Variants in CDKAL1 observed in about 807,000 individuals in gnomAD.
The protein encoded by CDKAL1 is threonylcarbamoyladenosine tRNA methylthiotransferase.
A neutral mutation model predicts 68.2 loss-of-function variants in CDKAL1; 32 were observed. The observed-to-expected ratio is 0.47, with a 90% CI of 0.35 to 0.63. CDKAL1 has a LOEUF of 0.63. Ranked by LOEUF, CDKAL1 falls within the 30% of genes least tolerant of loss-of-function variation. CDKAL1 has a pLI of 0.00. For missense variants in CDKAL1, 606 were observed against 696.7 expected (o/e 0.87, Z 1.47); for synonymous variants, 234 against 244.3 (o/e 0.96, Z 0.39).
chr6:20,633,003 T>C (rs954748279), intron 4 of CDKAL1, among the ~76,000 whole-genome samples: 1 of 152,166 alleles, frequency 6.6e-6, no homozygotes, highest in African/African-American at 2.4e-5. Flanking sequence ...ATGAGAACAG[T>C]GGTGATGGTG....
At chr6:21,143,134 T>C (rs1776005308) in intron 13 of CDKAL1, among the ~76,000 whole-genome samples, 1 of 152,238 alleles carries the variant, frequency 6.6e-6, no homozygotes, top group African/African-American at 2.4e-5. Context: ...CCCTAATCCT[T>C]CTCTCTGAAT....
At chr6:20,715,740 A>G (rs1405361362) in intron 5 of CDKAL1, among the ~76,000 whole-genome samples, 4 of 152,214 alleles carry the variant, frequency 2.6e-5, no homozygotes, top group African/African-American at 7.2e-5. Context: ...TCTTTTTGAT[A>G]ACAGCTATGT....
chr6:20,701,436 C>T (rs1771355321), intron 5 of CDKAL1, among the ~76,000 whole-genome samples: 2 of 152,170 alleles, frequency 1.3e-5, no homozygotes, highest in African/African-American at 4.8e-5. Context: ...TGATTTGCTC[C>T]AGTCCTTATC....
intron 13 of CDKAL1, among the ~76,000 whole-genome samples, chr6:21,159,297 A>G (rs948860567): frequency 2.6e-5 from 4 of 152,134 alleles, no homozygotes; most frequent in Admixed American, 2.0e-4. Flanking sequence ...AAGCTAGGAA[A>G]TATTCCTGTG....
intron 9 of CDKAL1, among the ~76,000 whole-genome samples, chr6:20,849,989 A>G (rs1758922620): frequency 6.6e-6 from 1 of 152,198 alleles, no homozygotes; most frequent in Non-Finnish European, 1.5e-5. Flanking sequence ...ATTGCAAATA[A>G]TAATTATGAA....
intron 10 of CDKAL1, among the ~76,000 whole-genome samples, chr6:20,964,766 TA>T (rs1765221756): frequency 6.6e-6 from 1 of 152,146 alleles, no homozygotes. Context: ...GTCTCAGGGC[TA>T]CCCATGTACC....
At chr6:20,944,312 A>G (rs943041904) in intron 9 of CDKAL1, among the ~76,000 whole-genome samples, 2 of 152,180 alleles carry the variant, frequency 1.3e-5, no homozygotes, top group African/African-American at 4.8e-5. Context: ...GGTAATTTCT[A>G]TAACAGTTAA....
intron 5 of CDKAL1, among the ~76,000 whole-genome samples, chr6:20,663,662 T>C (rs1346711670): frequency 6.6e-6 from 1 of 152,160 alleles, no homozygotes; most frequent in Non-Finnish European, 1.5e-5. Flanking sequence ...ATGACCATAT[T>C]TGAAATGGAA....
intron 10 of CDKAL1, among the ~76,000 whole-genome samples, chr6:20,976,926 G>T (rs904368807): frequency 1.3e-5 from 2 of 152,154 alleles, no homozygotes; most frequent in Admixed American, 6.5e-5. Context: ...TTAATTTCCA[G>T]ATTTCAACTA....
intron 8 of CDKAL1, among the ~76,000 whole-genome samples, chr6:20,815,424 T>G (rs1341792542): frequency 6.6e-6 from 1 of 152,150 alleles, no homozygotes; most frequent in Non-Finnish European, 1.5e-5. Context: ...TTTGGTAAAT[T>G]GTATTTTTCT....
At position 20,747,035 on chromosome 6, in the gene CDKAL1, T is replaced by G. The variant is rs372757308; in HGVS notation, c.468+7420T>G. ...CCGGTAATCCCCAGGCTACTCCCTG[T>G]TTCTCTGTATTTGACTTGTTTTAAG... On this transcript the variant is annotated intron_variant, in intron 6 of 15. Coordinates refer to ENST00000274695, the MANE Select transcript of CDKAL1 (RefSeq NM_017774.3). 6.6e-5 allele frequency among the ~76,000 whole-genome samples: 10 copies of G among 152,134 alleles called. No individual in the cohort carries two copies. The East Asian group carries it at 1.5e-3, about 23-fold the overall frequency.
chr6:21,160,656 C>CACACAT (rs1554189726), intron 13 of CDKAL1, among the ~76,000 whole-genome samples: 1 of 127,988 alleles, frequency 7.8e-6, no homozygotes, highest in Admixed American at 7.8e-5. Flanking sequence ...CACACACACA[C>CACACAT]GTGTGTGTGT....
intron 10 of CDKAL1, among the ~76,000 whole-genome samples, chr6:20,999,183 A>T (rs1268226104): frequency 6.6e-6 from 1 of 152,124 alleles, no homozygotes; most frequent in African/African-American, 2.4e-5. Context: ...TTTATTCACT[A>T]CTGGACTCTG....
intron 13 of CDKAL1, among the ~76,000 whole-genome samples, chr6:21,111,806 T>A (rs187202695): frequency 6.6e-6 from 1 of 152,216 alleles, no homozygotes; most frequent in Non-Finnish European, 1.5e-5. Flanking sequence ...GGAATTCTTA[T>A]AATAAATAAA....
chr6:20,655,819 A>G (rs1281275290), intron 5 of CDKAL1, among the ~76,000 whole-genome samples: 1 of 152,188 alleles, frequency 6.6e-6, no homozygotes, highest in Non-Finnish European at 1.5e-5. Flanking sequence ...TCTGGCTAGA[A>G]TGAAGTGAGG....
chr6:21,074,853 G>A (rs1039973209), intron 12 of CDKAL1, among the ~76,000 whole-genome samples: 1 of 151,700 alleles, frequency 6.6e-6, no homozygotes, highest in Non-Finnish European at 1.5e-5. Context: ...CATGGTTTGT[G>A]GTTATATGGA....
chr6:20,898,702 A>G (rs1761818225), intron 9 of CDKAL1, among the ~76,000 whole-genome samples: 1 of 152,172 alleles, frequency 6.6e-6, no homozygotes, highest in Non-Finnish European at 1.5e-5. Context: ...ATGTCTCATC[A>G]TGAAAATTAT....
At chr6:20,996,126 G>A (rs1767094725) in intron 10 of CDKAL1, among the ~76,000 whole-genome samples, 1 of 152,220 alleles carries the variant, frequency 6.6e-6, no homozygotes, top group African/African-American at 2.4e-5. Context: ...TAGAATTGAA[G>A]AGAGTTAGGG....
chr6:20,729,593 T>C (rs1389550514), intron 5 of CDKAL1, among the ~76,000 whole-genome samples: 1 of 152,222 alleles, frequency 6.6e-6, no homozygotes, highest in African/African-American at 2.4e-5. Context: ...GCAGCACTTT[T>C]AAAGTGCTTT....
Sources: allele counts gnomAD v4.1 joint callset (sites outside exome capture counted in the v4.1 genomes callset), GRCh38; gene constraint gnomAD v4.1.1; transcripts MANE v1.5; gene names NCBI Gene and HGNC (gene_info 2026-07-23, HGNC 2026-07-21).